EMC3: variants seen among roughly 807,000 people sequenced by gnomAD.
EMC3 encodes the protein ER membrane protein complex subunit 3.
Under a neutral mutation model 36.6 loss-of-function variants are expected in EMC3, and 13 were observed. The ratio of observed to expected loss-of-function variants is 0.35; its 90% CI spans 0.23 to 0.56. The LOEUF (loss-of-function observed/expected upper bound fraction) is 0.56, where lower values mean the gene tolerates loss of function less well. Among genes scored for constraint, EMC3 ranks in the 20% least tolerant of loss-of-function variants. The pLI, the probability that EMC3 is intolerant of heterozygous loss-of-function variation, is 0.84. For synonymous variants in EMC3, 120 were observed against 111.9 expected (o/e 1.07, Z -0.46); for missense variants, 220 against 324.5 (o/e 0.68, Z 2.47).
chr3:9,986,781 A>T lies in EMC3; in HGVS notation c.-120T>A. ...AGCCCCTTTGCCCGTGTACCCCAGA[A>T]CTCTCCTGCGACTGTGAGCCGAGCT... On this transcript the variant is annotated 5_prime_UTR_variant, in exon 1 of 8. Coordinates refer to ENST00000245046, the MANE Select transcript of EMC3 (RefSeq NM_001394674.1). 6.7e-7 allele frequency: 1 copy of T among 1,499,018 alleles called. No homozygotes were observed. The highest frequency in any genetic ancestry group is 8.9e-7 in the Non-Finnish European group (1 of 1,124,650). The allele number at this position is 1,499,018 out of a possible 1,614,324, so 92.9% of individuals were successfully genotyped here.
At chr3:10,003,422 T>G (rs367982421) in intron 1 of EMC3, 74 of 361,548 alleles carry the variant, frequency 2.0e-4, no homozygotes, top group African/African-American at 1.6e-3. Flanking sequence ...ATCAAGTTGG[T>G]GGGGTCAATA....
At chr3:9,983,669 T>TC (rs1330951093) in intron 1 of EMC3, among the ~76,000 whole-genome samples, 1 of 144,794 alleles carries the variant, frequency 6.9e-6, no homozygotes, top group Non-Finnish European at 1.5e-5. Flanking sequence ...GACTCTGGTC[T>TC]CCAAAAAAAA....
intron 1 of EMC3, among the ~76,000 whole-genome samples, chr3:9,977,755 C>A (rs1219065081): frequency 6.6e-6 from 1 of 152,110 alleles, no homozygotes; most frequent in Non-Finnish European, 1.5e-5. Flanking sequence ...AAGACACTTT[C>A]TCTGAGTGAA....
At position 9,964,079 on chromosome 3, in the gene EMC3, G is replaced by T. The variant is rs771673988; in HGVS notation, c.776C>A (p.Ser259Tyr). Residue 259 changes from serine to tyrosine, a missense_variant, in exon 8 of 8, where the codon TCT becomes TAT. Coordinates refer to ENST00000245046, the MANE Select transcript of EMC3 (RefSeq NM_001394674.1). ...ATCCCTGCTCGGTCTTCAAAAAATA[G>T]AGGTCTGTAATTCCTTTTTGAACAT... ...EGMFKKELQT[S>Y]IF 13 of 1,614,126 alleles carry T rather than the reference G, an allele frequency of 8.1e-6. No homozygotes were observed. The highest frequency in any genetic ancestry group is 1.1e-5 in the Non-Finnish European group (13 of 1,180,008).
At chr3:9,990,648 T>A (rs181804516), upstream of EMC3, among the ~76,000 whole-genome samples, 425 of 152,178 alleles carry the variant, frequency 2.8e-3, 3 homozygotes, top group African/African-American at 9.8e-3. Context: ...TAGCTGGGAT[T>A]ATAGGTGCCT....
At chr3:9,972,528 T>C (rs1041613845) in intron 5 of EMC3, among the ~76,000 whole-genome samples, 2 of 149,246 alleles carry the variant, frequency 1.3e-5, no homozygotes, top group African/African-American at 2.5e-5. Flanking sequence ...CCCAGCACTA[T>C]GGGAGGCTGA....
rs559616216 is a variant in EMC3, at chr3:9,983,173, A to T, written c.155+3334T>A. The stretch of plus-strand genomic sequence containing the variant: ...AATTTTTTTTTTTTTTTTGAGACAG[A>T]GCCTCCTTCTGTGGCCCAGGCTGAA... On this transcript the variant is annotated intron_variant, in intron 1 of 7. Coordinates refer to ENST00000245046, the MANE Select transcript of EMC3 (RefSeq NM_001394674.1). 1.3e-3 allele frequency among the ~76,000 whole-genome samples: 192 copies of T among 150,036 alleles called. 7 individuals are homozygous for T. In the South Asian group the frequency reaches 0.039, roughly 30 times the overall value.
chr3:10,007,101 C>T (rs1438391092), intron 1 of EMC3: 8 of 311,448 alleles, frequency 2.6e-5, no homozygotes, highest in Non-Finnish European at 4.4e-5. Flanking sequence ...CTAGTTTAGG[C>T]GGCATGCAGT....
intron 1 of EMC3, among the ~76,000 whole-genome samples, chr3:9,994,993 A>G (rs984428033): frequency 3.1e-4 from 45 of 147,106 alleles, no homozygotes; most frequent in Non-Finnish European, 5.7e-4. Context: ...CCTATTAGCA[A>G]TGTTAAAACG....
At chr3:9,987,721 A>T, upstream of EMC3, 1 of 408,294 alleles carries the variant, frequency 2.4e-6, no homozygotes, top group Non-Finnish European at 4.6e-6. Flanking sequence ...AGAATTCTGA[A>T]ATTTTGGATA....
In EMC3 at chr3:9,983,149, A is replaced by AT. The variant is rs36108965; in HGVS notation, c.155+3357dup. 3.6e-3 allele frequency among the ~76,000 whole-genome samples: 508 copies of AT among 142,960 alleles called. 4 individuals are homozygous for AT. Among genetic ancestry groups the AT allele is most frequent in the African/African-American group, 6.1e-3 (237 of 38,916 alleles). 93.8% of individuals were successfully genotyped at this position (142,960 alleles called of 152,430 possible). On this transcript the variant is annotated intron_variant, in intron 1 of 7. Transcript: ENST00000245046. Reference sequence around the variant, plus strand: ...AGGGGGCGTAATGGTAATCTGTGGAATTTTTTTTTTTTTTTTGAGACAGAG... The same window carrying AT: ...AGGGGGCGTAATGGTAATCTGTGGAATTTTTTTTTTTTTTTTTGAGACAGAG...
Position 9,963,477 on chromosome 3 carries a change from A to ATATATATATATTTTTT in EMC3, c.*591_*592insAAAAAATATATATATA. On this transcript the variant is annotated 3_prime_UTR_variant, in exon 8 of 8. Transcript: ENST00000245046. ...TAGATATATATATATATATATATAT[A>ATATATATATATTTTTT]TTTTTTTTTTTTTTTCAGATGGAGT... 1.1e-5 allele frequency: 1 copy of ATATATATATATTTTTT among 88,908 alleles called. No homozygotes were observed. The highest frequency in any genetic ancestry group is 2.5e-4 in the East Asian group (1 of 4,014). The allele number at this position is 88,908 out of a possible 1,614,324, so 5.5% of individuals were successfully genotyped here.
rs1264743314 is a variant in EMC3, at chr3:9,986,623, G to A, written c.39C>T (p.Arg13=). Residue 13 remains arginine, a synonymous_variant, in exon 1 of 8, where the codon CGC becomes CGT. Coordinates refer to ENST00000245046, the MANE Select transcript of EMC3 (RefSeq NM_001394674.1). ...GPELLLDSNI[R]LWVVLPIVII... ...TAACGATGGGTAGGACCACCCAGAG[G>A]CGGATGTTGGAGTCGAGCAACAGTT... 1.9e-6 allele frequency: 3 copies of A among 1,614,222 alleles called. No homozygotes were observed. The highest frequency in any genetic ancestry group is 2.5e-6 in the Non-Finnish European group (3 of 1,180,036).
upstream of EMC3, among the ~76,000 whole-genome samples, chr3:9,988,198 TTTC>T (rs542979886): frequency 1.5e-3 from 228 of 152,324 alleles, 1 homozygote; most frequent in African/African-American, 5.1e-3. Flanking sequence ...GTTCATATGT[TTTC>T]TTAGCCATTC....
In EMC3 at chr3:9,977,247, A is replaced by T. The variant is rs1441154549; in HGVS notation, c.213+142T>A. Reference sequence around the variant, plus strand: ...ATTTCCTAAGAAGGGTGAGGTCACCATGAGAGCAAACACCACCAGGCCACA... The same window carrying T: ...ATTTCCTAAGAAGGGTGAGGTCACCTTGAGAGCAAACACCACCAGGCCACA... On this transcript the variant is annotated intron_variant, in intron 2 of 7. Transcript: ENST00000245046. 3 of 875,790 alleles carry T rather than the reference A, an allele frequency of 3.4e-6. No homozygotes were observed. The Admixed American group carries it at 8.8e-5, about 26-fold the overall frequency. 54.3% of individuals were successfully genotyped at this position (875,790 alleles called of 1,614,324 possible). A position where few individuals can be genotyped will look rare whatever the true frequency, so the allele number is the denominator to read the frequency against.
intron 4 of EMC3, 23 bp from the exon 5 acceptor site, chr3:9,973,732 A>T: frequency 6.3e-7 from 1 of 1,598,382 alleles, no homozygotes; most frequent in Non-Finnish European, 8.6e-7. Context: ...AAAAGTTCAC[A>T]ATCACTCTGA....
At chr3:10,001,985 T>C (rs1476360819) in intron 1 of EMC3, among the ~76,000 whole-genome samples, 2 of 151,958 alleles carry the variant, frequency 1.3e-5, no homozygotes, top group Admixed American at 6.6e-5. Context: ...GGTGACAGAG[T>C]AAGACTCCAT....
chr3:9,981,880 T>C (rs2085915356), intron 1 of EMC3: 1 of 312,584 alleles, frequency 3.2e-6, no homozygotes. Context: ...ACATAATCTA[T>C]CCCCAAACCT....
chr3:10,000,121 C>T (rs1252277953), intron 1 of EMC3, among the ~76,000 whole-genome samples: 1 of 151,990 alleles, frequency 6.6e-6, no homozygotes, highest in East Asian at 1.9e-4. Context: ...CACTGCAATG[C>T]ACCTCTGCCT....
Sources: allele counts gnomAD v4.1 joint callset (sites outside exome capture counted in the v4.1 genomes callset), GRCh38; gene constraint gnomAD v4.1.1; transcripts MANE v1.5; gene names NCBI Gene and HGNC (gene_info 2026-07-23, HGNC 2026-07-21).